FBN1: variants seen among roughly 807,000 people sequenced by gnomAD.
The protein encoded by FBN1 is fibrillin-1.
In FBN1, 29 loss-of-function variants were observed where a neutral mutation model predicts 365.1. The observed-to-expected ratio is 0.08, with a 90% CI of 0.06 to 0.11. FBN1 has a LOEUF of 0.11. FBN1 is among the 10% of genes least tolerant of loss of function. FBN1 has a pLI of 1.00. For missense variants in FBN1, 2,476 were observed against 3,703.2 expected (o/e 0.67, Z 8.60); for synonymous variants, 1,210 against 1,270.5 (o/e 0.95, Z 1.01).
At chr15:48,524,303 C>T (rs1290277188) in intron 9 of FBN1, among the ~76,000 whole-genome samples, 5 of 152,108 alleles carry the variant, frequency 3.3e-5, no homozygotes, top group Non-Finnish European at 5.9e-5. Flanking sequence ...TGGAATTTTA[C>T]GGTTAGAAGA....
intron 34 of FBN1, among the ~76,000 whole-genome samples, chr15:48,473,657 T>C (rs2043395350): frequency 2.0e-5 from 3 of 152,168 alleles, no homozygotes; most frequent in Admixed American, 2.0e-4. Context: ...ATGTTGATGA[T>C]GACGATAATG....
chr15:48,440,897 C>G (rs1264601796), intron 50 of FBN1, among the ~76,000 whole-genome samples: 2 of 43,200 alleles, frequency 4.6e-5, no homozygotes, highest in Admixed American at 2.7e-4. Context: ...ACCAAAAAAC[C>G]ATGAAAAAAA....
At chr15:48,543,690 A>G (rs1167831280) in intron 6 of FBN1, among the ~76,000 whole-genome samples, 2 of 152,216 alleles carry the variant, frequency 1.3e-5, no homozygotes, top group Non-Finnish European at 2.9e-5. Flanking sequence ...TCACCAAAAG[A>G]AGTACAGAGA....
At chr15:48,456,872 G>GTGTGTGTGTGCGCA in intron 43 of FBN1, 110 bp from the exon 44 acceptor site, 3 of 1,101,436 alleles carry the variant, frequency 2.7e-6, no homozygotes, top group Non-Finnish European at 2.7e-6. Context: ...GTGTGTGTGT[G>GTGTGTGTGTGCGCA]CGTGCATGTG....
Position 48,528,506 on chromosome 15 carries a change from G to C in FBN1, c.863-2251C>G. ...CCAGGTACGCCTCTTGCATTACACT[G>C]AGGCCTTCAGAAAACTGACATGAAT... On this transcript the variant is annotated intron_variant, in intron 8 of 65. Transcript: ENST00000316623. 2.6e-5 allele frequency among the ~76,000 whole-genome samples: 4 copies of C among 152,286 alleles called. No individual in the cohort carries two copies. In the Middle Eastern group the frequency reaches 0.01, roughly 388 times the overall value.
At chr15:48,423,987 A>C (rs2042961303) in intron 60 of FBN1, among the ~76,000 whole-genome samples, 1 of 152,204 alleles carries the variant, frequency 6.6e-6, no homozygotes, top group Admixed American at 6.5e-5. Context: ...CAGAGGTTAG[A>C]AAAAATGCTA....
chr15:48,463,333 T>C lies in FBN1; in HGVS notation c.5066-93A>G, dbSNP rs16960972. On this transcript the variant is annotated intron_variant, in intron 41 of 65. Transcript: ENST00000316623. The stretch of plus-strand genomic sequence containing the variant: ...TAAGTGGATACTCAACAAGCAAGTT[T>C]CATTTGAATTGTATTGTAGCTTGAC... The C allele has an allele frequency of 0.019, 22,903 of 1,222,812 alleles. 1,780 individuals are homozygous for C. In the African/African-American group the frequency reaches 0.22, roughly 12 times the overall value. 75.7% of individuals were successfully genotyped at this position (1,222,812 alleles called of 1,614,324 possible).
At chr15:48,631,820 T>C (rs1889994754) in intron 2 of FBN1, among the ~76,000 whole-genome samples, 1 of 152,230 alleles carries the variant, frequency 6.6e-6, no homozygotes, top group Non-Finnish European at 1.5e-5. Context: ...ATTTCAAGAA[T>C]AGCGCACCAC....
In FBN1 at chr15:48,497,368, G is replaced by C; in HGVS notation, c.2191C>G (p.Pro731Ala). 6 of 1,613,744 alleles carry C rather than the reference G, an allele frequency of 3.7e-6. No homozygotes were observed. Among genetic ancestry groups the C allele is most frequent in the Non-Finnish European group, 5.1e-6 (6 of 1,179,772 alleles). The change falls in exon 19 of 66, where the codon CCT becomes GCT. Residue 731 changes from proline to alanine, a missense_variant. By Grantham distance (27) the Pro-to-Ala change is conservative. This residue lies in a region of FBN1 where 1,780 missense variants were observed against 2,840.8 expected (regional missense o/e 0.63). Transcript: ENST00000316623. ...CAGATTCCATTTGGGCAAATATCAG[G>C]ATCTAGTGCACATTCATTTATATCT... Reference protein sequence around the residue: ...GSDINECALDPDICPNGICEN... With the variant: ...GSDINECALDADICPNGICEN...
Position 48,487,354 on chromosome 15 carries a change from G to C in FBN1, c.3421C>G (p.Pro1141Ala), listed in dbSNP as rs2043517417. Reference protein sequence around the residue: ...NTEGSYRCECPPGHQLSPNIS... With the variant: ...NTEGSYRCECAPGHQLSPNIS... ...TTGGGGGACAGCTGATGGCCAGGCG[G>C]GCATTCACAGCGGTAACTTCCCTCT... The change falls in exon 28 of 66, where the codon CCG (proline) becomes GCG (alanine). Residue 1141 changes from proline (P) to alanine (A), a missense_variant. Transcript: ENST00000316623. 1 of 1,614,192 alleles carries C rather than the reference G, an allele frequency of 6.2e-7. No homozygotes were observed. Among genetic ancestry groups the C allele is most frequent in the Non-Finnish European group, 8.5e-7 (1 of 1,180,032 alleles).
chr15:48,508,852 T>C, intron 14 of FBN1, 148 bp from the exon 15 acceptor site: 1 of 973,148 alleles, frequency 1.0e-6, no homozygotes, highest in Non-Finnish European at 1.5e-6. Context: ...TAAGATCATC[T>C]AAGGAAGGAG....
At chr15:48,427,924 TAA>T in intron 57 of FBN1, 151 bp from the exon 58 acceptor site, 6 of 736,402 alleles carry the variant, frequency 8.1e-6, no homozygotes, top group Non-Finnish European at 1.2e-5. Flanking sequence ...GAGACAGCAG[TAA>T]AAGAGAAAGG....
At chr15:48,544,644 A>G (rs181509341) in intron 6 of FBN1, among the ~76,000 whole-genome samples, 3 of 152,348 alleles carry the variant, frequency 2.0e-5, no homozygotes, top group African/African-American at 7.2e-5. Context: ...GTGGGACCCA[A>G]TTATGTGTGG....
At chr15:48,580,055 G>C (rs1360545506) in intron 6 of FBN1, among the ~76,000 whole-genome samples, 2 of 152,086 alleles carry the variant, frequency 1.3e-5, no homozygotes, top group Non-Finnish European at 2.9e-5. Flanking sequence ...AAAAAAGCTT[G>C]AAATTTCCAC....
intron 56 of FBN1, 103 bp downstream of exon 56, chr15:48,430,568 G>T (rs1158486987): frequency 2.2e-6 from 3 of 1,342,344 alleles, no homozygotes; most frequent in East Asian, 4.6e-5. Context: ...AGAACAAAAT[G>T]GGTCTCGCCA....
rs182151672 is a variant in FBN1 at position 48,531,981 on chromosome 15, A to G, written c.862+2099T>C. On this transcript the variant is annotated intron_variant, in intron 8 of 65. Coordinates refer to ENST00000316623, the MANE Select transcript of FBN1 (RefSeq NM_000138.5). Reference sequence around the variant, plus strand: ...TTTTTATCTTGCTGCTGACTTTCACATGTAGCTGGAAAATTTTTGTGTGTG... The same window carrying G: ...TTTTTATCTTGCTGCTGACTTTCACGTGTAGCTGGAAAATTTTTGTGTGTG... Among the ~76,000 whole-genome samples, 3 of 152,346 alleles carry G rather than the reference A, an allele frequency of 2.0e-5. No individual in the cohort carries two copies. In the East Asian group the frequency reaches 5.8e-4, roughly 29 times the overall value.
chr15:48,568,909 A>G (rs927507325), intron 6 of FBN1, among the ~76,000 whole-genome samples: 3 of 152,068 alleles, frequency 2.0e-5, no homozygotes, highest in African/African-American at 7.2e-5. Flanking sequence ...ACATGAGAAA[A>G]ATTTTAAGAT....
chr15:48,420,843 A>T (rs200361998), intron 62 of FBN1, 37 bp from the exon 63 acceptor site: 1 of 1,611,778 alleles, frequency 6.2e-7, no homozygotes, highest in South Asian at 1.1e-5. Flanking sequence ...TGCCAACTCA[A>T]CATCTCTCTC....
At chr15:48,596,203 G>C (rs2044514110) in intron 6 of FBN1, 80 bp downstream of exon 6, 2 of 1,251,266 alleles carry the variant, frequency 1.6e-6, no homozygotes, top group Admixed American at 3.4e-5. Context: ...AAGTAGCCAT[G>C]CAGACCCAAT....
Sources: gnomAD v4.1 joint callset for allele counts (sites outside exome capture counted in the v4.1 genomes callset) on GRCh38, gnomAD v4.1.1 for gene constraint, gnomAD v4.1.1 regional missense constraint, MANE v1.5 for transcripts, NCBI Gene and HGNC (gene_info 2026-07-23, HGNC 2026-07-21) for gene names.